CAMTA1: variants seen among roughly 807,000 people sequenced by gnomAD.
The protein encoded by CAMTA1 is calmodulin-binding transcription activator 1.
A neutral mutation model predicts 170.9 loss-of-function variants in CAMTA1; 27 were observed. That is an observed-to-expected ratio of 0.16 (90% CI 0.12 to 0.22). The LOEUF is 0.22. CAMTA1 is among the 10% of genes least tolerant of loss of function. CAMTA1 has a pLI of 1.00. For missense variants in CAMTA1, 1,619 were observed against 2,217.2 expected, an observed-to-expected ratio of 0.73 and a Z score of 5.42; for synonymous variants, 833 against 891.5, an observed-to-expected ratio of 0.93 and a Z score of 1.17.
Position 7,318,762 on chromosome 1 carries a change from A to G in CAMTA1, c.438+69136A>G, listed in dbSNP as rs1189894791. 2.6e-5 allele frequency among the ~76,000 whole-genome samples: 4 copies of G among 152,312 alleles called. No individual in the cohort carries two copies. The East Asian group carries it at 7.7e-4, about 29-fold the overall frequency. ...TTCTGCAGGGCCTCACATGTTACCAATGAAAGCCAGCTCCCTGGTGCCACG... is the reference window on the plus strand; with the variant it reads ...TTCTGCAGGGCCTCACATGTTACCAGTGAAAGCCAGCTCCCTGGTGCCACG... On this transcript the variant is annotated intron_variant, in intron 5 of 22. Coordinates refer to ENST00000303635, the MANE Select transcript of CAMTA1 (RefSeq NM_015215.4).
intron 3 of CAMTA1, among the ~76,000 whole-genome samples, chr1:6,927,407 A>G (rs1355063626): frequency 6.6e-6 from 1 of 152,240 alleles, no homozygotes; most frequent in Non-Finnish European, 1.5e-5. Context: ...AAGTAGTTAG[A>G]TATAAACACC....
At chr1:7,254,822 A>C (rs1471384880) in intron 5 of CAMTA1, among the ~76,000 whole-genome samples, 1 of 152,226 alleles carries the variant, frequency 6.6e-6, no homozygotes, top group African/African-American at 2.4e-5. Context: ...GCTTGCAGCC[A>C]CTGGAAAACA....
At chr1:6,904,890 G>A (rs1281188089) in intron 3 of CAMTA1, among the ~76,000 whole-genome samples, 1 of 151,860 alleles carries the variant, frequency 6.6e-6, no homozygotes, top group East Asian at 1.9e-4. Flanking sequence ...GCCACACCTG[G>A]CCTAAGCCTT....
In CAMTA1 at chr1:7,768,256, G is replaced by T. The variant is rs542712113; in HGVS notation, c.*1765G>T. The T allele has an allele frequency of 1.2e-4, 19 of 152,458 alleles. 1 individual carries two copies. The South Asian group carries it at 3.9e-3, about 32-fold the overall frequency. 9.4% of individuals were successfully genotyped at this position (152,458 alleles called of 1,614,324 possible). A position where few individuals can be genotyped will look rare whatever the true frequency, so the allele number is the denominator to read the frequency against. Reference sequence around the variant, plus strand: ...GAAAAAGATGCAGACTGGTCTTTTAGAGACGGCATGGTATATTACTATTTC... The same window carrying T: ...GAAAAAGATGCAGACTGGTCTTTTATAGACGGCATGGTATATTACTATTTC... On this transcript the variant is annotated 3_prime_UTR_variant, in exon 23 of 23. Transcript: ENST00000303635.
In CAMTA1 at chr1:7,248,431, G is replaced by A. The variant is rs1666158722; in HGVS notation, c.303-1060G>A. 6.6e-6 allele frequency among the ~76,000 whole-genome samples: 1 copy of A among 152,198 alleles called. No homozygotes were observed. Among genetic ancestry groups the A allele is most frequent in the Non-Finnish European group, 1.5e-5 (1 of 68,026 alleles). ...GGTGGCAAGCCTGCACTGGCCTCGT[G>A]GTGCGCAGAATCGCTGGCATTCCTC... On this transcript the variant is annotated intron_variant, in intron 4 of 22. Transcript: ENST00000303635. This position sits in a 1 kb window ranked among gnomAD's most constrained non-coding sequence, Gnocchi z 4.0.
At chr1:7,221,489 A>AGACCT (rs1169448539) in intron 4 of CAMTA1, among the ~76,000 whole-genome samples, 1 of 152,160 alleles carries the variant, frequency 6.6e-6, no homozygotes, top group East Asian at 1.9e-4. Context: ...CTCCAGAATC[A>AGACCT]GACCTGTTCC....
intron 5 of CAMTA1, among the ~76,000 whole-genome samples, chr1:7,290,450 A>G (rs571322656): frequency 7.9e-5 from 12 of 152,154 alleles, no homozygotes; most frequent in Non-Finnish European, 1.8e-4. Context: ...CCAGCTTTCC[A>G]CCTGGGCAGG....
At chr1:7,096,596 A>G (rs1642104554) in intron 4 of CAMTA1, among the ~76,000 whole-genome samples, 1 of 151,640 alleles carries the variant, frequency 6.6e-6, no homozygotes, top group South Asian at 2.1e-4. Context: ...TACAACTTGG[A>G]CTCCAGGTGG....
chr1:6,944,725 T>C (rs1687293218), intron 3 of CAMTA1, among the ~76,000 whole-genome samples: 1 of 152,262 alleles, frequency 6.6e-6, no homozygotes, highest in Admixed American at 6.5e-5. Flanking sequence ...TTTATCACTT[T>C]CTGACATACT....
At chr1:7,579,547 C>CT (rs2095237893) in intron 6 of CAMTA1, among the ~76,000 whole-genome samples, 5 of 111,458 alleles carry the variant, frequency 4.5e-5, no homozygotes, top group Admixed American at 1.7e-4. Context: ...CTTTTCTTTT[C>CT]TTTTCTTTTT....
intron 6 of CAMTA1, among the ~76,000 whole-genome samples, chr1:7,519,274 T>G (rs572468355): frequency 7.3e-4 from 111 of 152,000 alleles, no homozygotes; most frequent in Non-Finnish European, 2.9e-5. Flanking sequence ...CTTCGGCAGG[T>G]GGGCAGGGGC....
chr1:7,704,835 G>A (rs2096490502), intron 11 of CAMTA1, among the ~76,000 whole-genome samples: 1 of 147,774 alleles, frequency 6.8e-6, no homozygotes, highest in South Asian at 2.1e-4. Flanking sequence ...GGGCGCGGGA[G>A]CCAGTGAGCG....
chr1:7,230,054 C>T (rs1471130732), intron 4 of CAMTA1, among the ~76,000 whole-genome samples: 1 of 152,032 alleles, frequency 6.6e-6, no homozygotes, highest in African/African-American at 2.4e-5. Context: ...GGAGAAGGGG[C>T]TGAGGTATGT....
chr1:7,580,915 C>T lies in CAMTA1; in HGVS notation c.511-59485C>T, dbSNP rs2095255280. Reference sequence around the variant, plus strand: ...GAGAAGGTCACATGACCTCGCTGGGCCTCAGTTTCCTCATCTGTAAATGGG... The same window carrying T: ...GAGAAGGTCACATGACCTCGCTGGGTCTCAGTTTCCTCATCTGTAAATGGG... On this transcript the variant is annotated intron_variant, in intron 6 of 22. Coordinates refer to ENST00000303635, the MANE Select transcript of CAMTA1 (RefSeq NM_015215.4). This position sits in a 1 kb window ranked among gnomAD's most constrained non-coding sequence, Gnocchi z 4.3. Among the ~76,000 whole-genome samples, 1 of 152,194 alleles carries T rather than the reference C, an allele frequency of 6.6e-6. No homozygotes were observed. Among genetic ancestry groups the T allele is most frequent in the African/African-American group, 2.4e-5 (1 of 41,456 alleles).
At chr1:6,972,506 C>T (rs1010820292) in intron 3 of CAMTA1, among the ~76,000 whole-genome samples, 4 of 152,150 alleles carry the variant, frequency 2.6e-5, no homozygotes, top group African/African-American at 7.2e-5. Flanking sequence ...CCTTGCCTGC[C>T]GTGTGCCAGG....
Position 7,202,027 on chromosome 1 carries a change from A to G in CAMTA1, c.303-47464A>G, listed in dbSNP as rs373367344. ...AATTTTAGTTTTAACTCTTTCATTT[A>G]GCTCTTTGATCCATCTGTTTTGAGT... On this transcript the variant is annotated intron_variant, in intron 4 of 22. Transcript: ENST00000303635. Among the ~76,000 whole-genome samples, 20 of 152,302 alleles carry G rather than the reference A, an allele frequency of 1.3e-4. No homozygotes were observed. The East Asian group carries it at 3.9e-3, about 29-fold the overall frequency.
chr1:6,892,434 T>C (rs1260926131), intron 3 of CAMTA1, among the ~76,000 whole-genome samples: 2 of 152,168 alleles, frequency 1.3e-5, no homozygotes, highest in African/African-American at 4.8e-5. Flanking sequence ...ACGTGTGACA[T>C]ATTTTTTACA....
intron 22 of CAMTA1, 77 bp downstream of exon 22, chr1:7,755,745 G>T: frequency 1.6e-6 from 2 of 1,236,962 alleles, no homozygotes; most frequent in Non-Finnish European, 2.4e-6. Flanking sequence ...CTTGCATGAG[G>T]CTGCAGCCTA....
chr1:7,033,529 C>G (rs1032769104), intron 3 of CAMTA1, among the ~76,000 whole-genome samples: 2 of 150,880 alleles, frequency 1.3e-5, no homozygotes, highest in Non-Finnish European at 3.0e-5. Flanking sequence ...GTCTTTGATT[C>G]CAGACATTAT....
Sources: allele counts gnomAD v4.1 joint callset (sites outside exome capture counted in the v4.1 genomes callset), GRCh38; gene constraint gnomAD v4.1.1; non-coding constraint Gnocchi (gnomAD v3.1); transcripts MANE v1.5; gene names NCBI Gene and HGNC (gene_info 2026-07-23, HGNC 2026-07-21).